Variants in BIRC6 observed in about 807,000 individuals in gnomAD.
The protein encoded by BIRC6 is dual E2 ubiquitin-conjugating enzyme/E3 ubiquitin-protein ligase BIRC6.
A neutral mutation model predicts 503.3 loss-of-function variants in BIRC6; 98 were observed. That is an observed-to-expected ratio of 0.19 (90% CI 0.17 to 0.23). BIRC6 has a LOEUF of 0.23. Ranked by LOEUF, BIRC6 falls within the 10% of genes least tolerant of loss-of-function variation. The pLI is 1.00. For synonymous variants in BIRC6, 2,240 were observed against 2,078.7 expected, an observed-to-expected ratio of 1.08 and a Z score of -2.11; for missense variants, 5,360 against 5,806.0, an observed-to-expected ratio of 0.92 and a Z score of 2.50.
intron 45 of BIRC6, among the ~76,000 whole-genome samples, 188 bp downstream of exon 45, chr2:32,493,855 C>G (rs2052071506): frequency 6.6e-6 from 1 of 152,146 alleles, no homozygotes; most frequent in Non-Finnish European, 1.5e-5. Context: ...ATGGTTTTCT[C>G]AAGTCCTTAT....
intron 33 of BIRC6, among the ~76,000 whole-genome samples, chr2:32,474,799 T>G (rs1406218737): frequency 6.6e-6 from 1 of 152,232 alleles, no homozygotes; most frequent in Admixed American, 6.5e-5. Flanking sequence ...AATACTGATT[T>G]GTAGAAATTC....
In BIRC6 at chr2:32,543,321, G is replaced by A. The variant is rs779847642; in HGVS notation, c.12372G>A (p.Gln4124=). ...SDQFEWVTIE[Q]SGELVYEAPE... is the part of the protein sequence containing the mutation. ...AGTTTGAATGGGTGACCATTGAACA[G>A]TCAGGGGAGTTAGTTTATGAAGCAC... The change falls in exon 62 of 74, where the codon CAG becomes CAA. Residue 4124 remains glutamine, a synonymous_variant. Coordinates refer to ENST00000421745, the MANE Select transcript of BIRC6 (RefSeq NM_016252.4). The A allele has an allele frequency of 5.0e-6, 8 of 1,614,028 alleles. No individual in the cohort carries two copies. Among genetic ancestry groups the A allele is most frequent in the Non-Finnish European group, 5.1e-6 (6 of 1,179,898 alleles).
intron 45 of BIRC6, among the ~76,000 whole-genome samples, chr2:32,498,958 T>C (rs982416467): frequency 2.6e-5 from 4 of 152,218 alleles, no homozygotes; most frequent in African/African-American, 4.8e-5. Context: ...CCACAAGTGA[T>C]CTGCCCACCT....
intron 9 of BIRC6, among the ~76,000 whole-genome samples, chr2:32,412,958 A>G (rs1352569098): frequency 1.3e-5 from 2 of 152,086 alleles, no homozygotes; most frequent in Admixed American, 6.6e-5. Flanking sequence ...ACTTTTTTGA[A>G]AAAAGGTTTT....
chr2:32,594,140 T>C, intron 67 of BIRC6, 80 bp downstream of exon 67: 1 of 1,458,256 alleles, frequency 6.9e-7, no homozygotes, highest in Non-Finnish European at 9.2e-7. Flanking sequence ...GCCTTTGTGT[T>C]TTTGCTTTAT....
At chr2:32,579,236 G>A (rs1396621874) in intron 66 of BIRC6, among the ~76,000 whole-genome samples, 1 of 151,822 alleles carries the variant, frequency 6.6e-6, no homozygotes, top group Middle Eastern at 3.4e-3. Context: ...AAAAGGTCAA[G>A]TGTAAAGAGG....
chr2:32,370,334 C>G (rs1471368386), intron 1 of BIRC6, among the ~76,000 whole-genome samples: 1 of 152,042 alleles, frequency 6.6e-6, no homozygotes, highest in East Asian at 1.9e-4. Context: ...TCTGATGACA[C>G]TTTTGGTTAA....
At chr2:32,495,358 A>T (rs568751138) in intron 45 of BIRC6, among the ~76,000 whole-genome samples, 1 of 152,304 alleles carries the variant, frequency 6.6e-6, no homozygotes, top group East Asian at 1.9e-4. Context: ...TAGTTTATTT[A>T]AGAGGGTCCA....
chr2:32,475,101 T>C (rs1572485027), intron 33 of BIRC6, among the ~76,000 whole-genome samples: 1 of 147,534 alleles, frequency 6.8e-6, no homozygotes, highest in East Asian at 2.0e-4. Flanking sequence ...GAGGCAGAGG[T>C]TGCAGTGAGC....
At chr2:32,471,484 C>T (rs2049093589) in intron 32 of BIRC6, among the ~76,000 whole-genome samples, 1 of 152,034 alleles carries the variant, frequency 6.6e-6, no homozygotes, top group South Asian at 2.1e-4. Flanking sequence ...TATGATGTGT[C>T]ATTTCATTTA....
At chr2:32,450,668 T>C (rs2046608257) in intron 22 of BIRC6, among the ~76,000 whole-genome samples, 1 of 152,168 alleles carries the variant, frequency 6.6e-6, no homozygotes, top group South Asian at 2.1e-4. Flanking sequence ...CACCAGTGTA[T>C]GCAGTTGTTC....
rs1558855150 is a variant in BIRC6 at position 32,482,559 on chromosome 2, C to T, written c.7673C>T (p.Thr2558Ile). Residue 2558 changes from threonine (T) to isoleucine (I), a missense_variant, in exon 39 of 74, where the codon ACA (threonine) becomes ATA (isoleucine). Around this residue, in one of 16 missense-constraint regions of BIRC6, gnomAD observed 2,299 missense variants for 2,267.2 expected, o/e 1.01. Coordinates refer to ENST00000421745, the MANE Select transcript of BIRC6 (RefSeq NM_016252.4). Reference sequence around the variant, plus strand: ...AACACGGAGAAGAACGGATCACAGACAGTTAGCGTTTCAGTCTCTCAGGGT... The same window carrying T: ...AACACGGAGAAGAACGGATCACAGATAGTTAGCGTTTCAGTCTCTCAGGGT... ...PANTEKNGSQ[T>I]VSVSVSQALD... 7 of 1,613,770 alleles carry T rather than the reference C, an allele frequency of 4.3e-6. No individual in the cohort carries two copies. In the Admixed American group the frequency reaches 1.2e-4, roughly 27 times the overall value.
intron 6 of BIRC6, among the ~76,000 whole-genome samples, chr2:32,397,236 C>T (rs1209673167): frequency 1.3e-5 from 2 of 151,344 alleles, no homozygotes; most frequent in Non-Finnish European, 2.9e-5. Context: ...TTTGGGAGGC[C>T]GAGGCGGGTG....
At chr2:32,395,387 C>G (rs1038214107) in intron 5 of BIRC6, 124 bp from the exon 6 acceptor site, 2 of 672,840 alleles carry the variant, frequency 3.0e-6, no homozygotes, top group Non-Finnish European at 4.8e-6. Flanking sequence ...ATATTATAGG[C>G]TAATTTTCTT....
chr2:32,585,385 T>TG, intron 66 of BIRC6, among the ~76,000 whole-genome samples: 1 of 114,560 alleles, frequency 8.7e-6, no homozygotes, highest in East Asian at 2.0e-4. Context: ...GGTTCTTTTG[T>TG]TTTTTTTTTT....
chr2:32,575,244 A>G lies in BIRC6; in HGVS notation c.13233A>G (p.Leu4411=), dbSNP rs1322932848. ...CTTCTTGTGCTGCCATGGTGCCCCT[A>G]TTGTTGCCCCTTTCTACAGAGAACG... ...AIASCAAMVP[L]LLPLSTENGE... The change falls in exon 66 of 74, where the codon CTA becomes CTG. Residue 4411 remains leucine (L), a synonymous_variant. Coordinates refer to ENST00000421745, the MANE Select transcript of BIRC6 (RefSeq NM_016252.4). 6 of 1,613,724 alleles carry G rather than the reference A, an allele frequency of 3.7e-6. No homozygotes were observed. The highest frequency in any genetic ancestry group is 1.7e-5 in the Admixed American group (1 of 59,982).
intron 65 of BIRC6, among the ~76,000 whole-genome samples, 191 bp downstream of exon 65, chr2:32,549,672 TAAAA>T (rs1402620897): frequency 6.6e-6 from 1 of 152,192 alleles, no homozygotes; most frequent in African/African-American, 2.4e-5. Flanking sequence ...CACAGAATAA[TAAAA>T]GTTTCATTAT....
At chr2:32,517,102 G>A (rs970907886) in intron 55 of BIRC6, among the ~76,000 whole-genome samples, 8 of 152,202 alleles carry the variant, frequency 5.3e-5, no homozygotes, top group South Asian at 2.1e-4. Flanking sequence ...AAGCCAAGGC[G>A]GGTGGAACAC....
At position 32,380,297 on chromosome 2, in the gene BIRC6, A is replaced by G; in HGVS notation, c.645+7A>G. The G allele has an allele frequency of 6.3e-7, 1 of 1,586,398 alleles. No homozygotes were observed. Among genetic ancestry groups the G allele is most frequent in the Non-Finnish European group, 8.5e-7 (1 of 1,172,478 alleles). On this transcript the variant is annotated splice_region_variant and intron_variant, in intron 3 of 73. Coordinates refer to ENST00000421745, the MANE Select transcript of BIRC6 (RefSeq NM_016252.4). ...AAACCACAAAGTTGCTAAGGTAAGAAGTTAATAGATTGCCTCTTTTGGGGT... is the reference window on the plus strand; with the variant it reads ...AAACCACAAAGTTGCTAAGGTAAGAGGTTAATAGATTGCCTCTTTTGGGGT...
Sources: gnomAD v4.1 joint callset for allele counts (sites outside exome capture counted in the v4.1 genomes callset) on GRCh38, gnomAD v4.1.1 for gene constraint, gnomAD v4.1.1 regional missense constraint, MANE v1.5 for transcripts, NCBI Gene and HGNC (gene_info 2026-07-23, HGNC 2026-07-21) for gene names.